MACROD2: variants seen among roughly 807,000 people sequenced by gnomAD.
MACROD2 encodes the protein mono-ADP ribosylhydrolase 2, also known as ADP-ribose glycohydrolase MACROD2.
In MACROD2, 36 loss-of-function variants were observed where a neutral mutation model predicts 70.4. The ratio of observed to expected loss-of-function variants is 0.51; its 90% CI spans 0.39 to 0.68. The LOEUF is 0.68. Among genes scored for constraint, MACROD2 ranks in the 30% least tolerant of loss-of-function variants. The pLI, the probability that MACROD2 is intolerant of heterozygous loss-of-function variation, is 0.00. For missense variants in MACROD2, 496 were observed against 538.4 expected (o/e 0.92, Z 0.78); for synonymous variants, 172 against 178.8 (o/e 0.96, Z 0.30).
intron 3 of MACROD2, among the ~76,000 whole-genome samples, chr20:14,316,972 G>T (rs1267747944): frequency 6.6e-6 from 1 of 151,948 alleles, no homozygotes; most frequent in Non-Finnish European, 1.5e-5. Context: ...CTTAAAAACT[G>T]CCCGTTTTCT....
intron 10 of MACROD2, among the ~76,000 whole-genome samples, chr20:15,916,588 G>A (rs893809945): frequency 3.9e-5 from 6 of 152,144 alleles, no homozygotes; most frequent in African/African-American, 7.2e-5. Context: ...CCTGCATCCC[G>A]ACTATGTCTC....
intron 8 of MACROD2, among the ~76,000 whole-genome samples, chr20:15,856,288 G>A (rs1210149804): frequency 2.6e-5 from 4 of 152,142 alleles, no homozygotes; most frequent in African/African-American, 9.7e-5. Context: ...ACTGTGAAAC[G>A]ATTAAGCACT....
At chr20:14,109,308 A>G (rs1368031941) in intron 3 of MACROD2, among the ~76,000 whole-genome samples, 1 of 151,914 alleles carries the variant, frequency 6.6e-6, no homozygotes, top group Non-Finnish European at 1.5e-5. Context: ...AAAGAAGAAA[A>G]ACTTCAAATA....
intron 8 of MACROD2, among the ~76,000 whole-genome samples, chr20:15,503,303 T>C (rs1476261531): frequency 5.9e-5 from 9 of 152,212 alleles, no homozygotes; most frequent in Admixed American, 5.9e-4. Flanking sequence ...TAGTTAAGTC[T>C]GAAATGATTT....
chr20:15,610,165 T>C (rs1467805066), intron 8 of MACROD2, among the ~76,000 whole-genome samples: 2 of 152,238 alleles, frequency 1.3e-5, no homozygotes, highest in African/African-American at 4.8e-5. Context: ...GAACTTCCGT[T>C]TGCTGGGCAA....
At chr20:14,699,628 G>A (rs574873063) in intron 5 of MACROD2, among the ~76,000 whole-genome samples, 32 of 152,142 alleles carry the variant, frequency 2.1e-4, no homozygotes, top group Non-Finnish European at 3.8e-4. Context: ...AAGGAAGGCC[G>A]TCAGTCTCAC....
At chr20:14,883,664 G>A (rs1413196569) in intron 5 of MACROD2, among the ~76,000 whole-genome samples, 1 of 151,912 alleles carries the variant, frequency 6.6e-6, no homozygotes, top group African/African-American at 2.4e-5. Flanking sequence ...GGCTGCATCT[G>A]TCACATGCAT....
At chr20:15,928,532 T>C (rs916074278) in intron 10 of MACROD2, among the ~76,000 whole-genome samples, 39 of 152,222 alleles carry the variant, frequency 2.6e-4, no homozygotes, top group African/African-American at 8.9e-4. Context: ...TAAGGCTGGG[T>C]TGAAACTGTC....
intron 8 of MACROD2, among the ~76,000 whole-genome samples, chr20:15,842,255 G>A (rs541099151): frequency 9.9e-5 from 15 of 152,188 alleles, no homozygotes; most frequent in African/African-American, 2.6e-4. Flanking sequence ...TGCATGCCAC[G>A]TCTTTGGGGT....
chr20:15,799,540 A>G (rs913829121), intron 8 of MACROD2, among the ~76,000 whole-genome samples: 1 of 152,216 alleles, frequency 6.6e-6, no homozygotes, highest in Non-Finnish European at 1.5e-5. Flanking sequence ...GAAAACACAC[A>G]GTATTTGTCT....
intron 8 of MACROD2, among the ~76,000 whole-genome samples, chr20:15,579,155 G>A (rs2048489777): frequency 6.6e-6 from 1 of 152,084 alleles, no homozygotes; most frequent in Non-Finnish European, 1.5e-5. Context: ...GAAAATATTA[G>A]GGGTGCAACT....
At chr20:15,525,604 A>G (rs534031550) in intron 8 of MACROD2, among the ~76,000 whole-genome samples, 14 of 152,376 alleles carry the variant, frequency 9.2e-5, no homozygotes, top group African/African-American at 3.1e-4. Context: ...GGGCAAGTCA[A>G]CTAGGACTTT....
intron 4 of MACROD2, among the ~76,000 whole-genome samples, chr20:14,544,119 C>T (rs970108444): frequency 6.6e-6 from 1 of 152,064 alleles, no homozygotes; most frequent in Non-Finnish European, 1.5e-5. Flanking sequence ...GAGGAATGTT[C>T]CATGTTGATA....
intron 3 of MACROD2, among the ~76,000 whole-genome samples, chr20:14,204,023 C>T (rs1483702627): frequency 6.6e-6 from 1 of 152,156 alleles, no homozygotes; most frequent in Non-Finnish European, 1.5e-5. Flanking sequence ...CCTTGGGCCC[C>T]TGAGTGGTAC....
chr20:14,685,072 G>A, intron 5 of MACROD2, 113 bp downstream of exon 5: 3 of 797,800 alleles, frequency 3.8e-6, no homozygotes, highest in Non-Finnish European at 6.2e-6. Flanking sequence ...AAATGTGCTT[G>A]AGTTCAGATT....
At chr20:15,885,667 T>C (rs1218943007) in intron 9 of MACROD2, 97 bp from the exon 10 acceptor site, 1 of 1,134,876 alleles carries the variant, frequency 8.8e-7, no homozygotes, top group African/African-American at 1.6e-5. Context: ...TGATCTGTTA[T>C]CCCTTTCTTT....
intron 8 of MACROD2, among the ~76,000 whole-genome samples, chr20:15,545,760 T>A (rs2048017758): frequency 6.6e-6 from 1 of 152,138 alleles, no homozygotes; most frequent in Admixed American, 6.5e-5. Flanking sequence ...CTTTGCCATA[T>A]TTTCAAGAAA....
chr20:15,267,442 A>G (rs1264948208), intron 6 of MACROD2, among the ~76,000 whole-genome samples: 1 of 152,162 alleles, frequency 6.6e-6, no homozygotes, highest in East Asian at 1.9e-4. Flanking sequence ...AGAGCCTGGC[A>G]TGCACACTGG....
At chr20:15,176,359 T>C (rs2076461932) in intron 5 of MACROD2, among the ~76,000 whole-genome samples, 1 of 152,190 alleles carries the variant, frequency 6.6e-6, no homozygotes, top group African/African-American at 2.4e-5. Flanking sequence ...TGCCAGTTCC[T>C]GATGAAGTCT....
Sources: allele counts gnomAD v4.1 joint callset (sites outside exome capture counted in the v4.1 genomes callset), GRCh38; gene constraint gnomAD v4.1.1; transcripts MANE v1.5; gene names NCBI Gene and HGNC (gene_info 2026-07-23, HGNC 2026-07-21).